Variants in GARIN1B observed in about 807,000 individuals in gnomAD.
GARIN1B encodes the protein Golgi-associated RAB2 interactor protein 1B.
At chr7:128,729,898 C>T in the GARIN1B span, 1 of 1,612,154 alleles carries the variant, frequency 6.2e-7, no homozygotes, top group Admixed American at 1.7e-5. Flanking sequence ...TTTACTTGAT[C>T]TAGGGAAAGA....
chr7:128,727,035 C>G, the GARIN1B span, among the ~76,000 whole-genome samples: 6 of 152,336 alleles, frequency 3.9e-5, no homozygotes, highest in Non-Finnish European at 5.9e-5. Context: ...CCACCACAAT[C>G]AAGTTGGCAC....
the GARIN1B span, among the ~76,000 whole-genome samples, chr7:128,728,480 G>A: frequency 6.6e-4 from 100 of 152,172 alleles, no homozygotes; most frequent in African/African-American, 2.3e-3. Context: ...TGACATGGAT[G>A]TAAGAAAAGG....
the GARIN1B span, chr7:128,723,395 C>T: frequency 6.5e-7 from 1 of 1,549,562 alleles, no homozygotes; most frequent in Admixed American, 1.8e-5. Flanking sequence ...GATCCAGAAA[C>T]CAAATAGCTT....
At chr7:128,726,936 C>A in the GARIN1B span, 1 of 1,408,358 alleles carries the variant, frequency 7.1e-7, no homozygotes, top group Non-Finnish European at 1.0e-6. Context: ...GAATAAGATC[C>A]CCTCCAGCCC....
At chr7:128,718,690 T>C in the GARIN1B span, 2 of 999,124 alleles carry the variant, frequency 2.0e-6, no homozygotes, top group East Asian at 2.4e-5. Flanking sequence ...TCCCCAACAA[T>C]TGAGCAGCAC....
At chr7:128,728,933 T>A in the GARIN1B span, among the ~76,000 whole-genome samples, 1 of 152,186 alleles carries the variant, frequency 6.6e-6, no homozygotes, top group Admixed American at 6.5e-5. Flanking sequence ...TAAACATACA[T>A]TCAAACACAC....
At chr7:128,715,623 G>A in the GARIN1B span, 668 of 1,614,110 alleles carry the variant, frequency 4.1e-4, no homozygotes, top group Non-Finnish European at 5.3e-4. Context: ...CTGCTCTGCC[G>A]GGTGGTTCAT....
chr7:128,713,983 T>C, the GARIN1B span: 1 of 1,527,434 alleles, frequency 6.5e-7, no homozygotes, highest in Non-Finnish European at 8.8e-7. Flanking sequence ...TTAGAGAATG[T>C]GACCATGAAG....
chr7:128,713,219 ATTG>A, the GARIN1B span, among the ~76,000 whole-genome samples: 2,929 of 152,252 alleles, frequency 0.019, 46 homozygotes, highest in South Asian at 0.053. Context: ...AGGCAGGAGA[ATTG>A]CTTGAACTCG....
the GARIN1B span, among the ~76,000 whole-genome samples, chr7:128,712,328 A>G: frequency 3.3e-5 from 5 of 152,178 alleles, no homozygotes; most frequent in African/African-American, 1.2e-4. Flanking sequence ...CACACAACAT[A>G]AAATGTACCA....
At chr7:128,719,638 A>G in the GARIN1B span, among the ~76,000 whole-genome samples, 1 of 149,282 alleles carries the variant, frequency 6.7e-6, no homozygotes, top group South Asian at 2.1e-4. Context: ...ATATTGTAGC[A>G]TGGGGCCAAC....
chr7:128,726,787 TACTTTCA>T, the GARIN1B span: 72 of 1,610,102 alleles, frequency 4.5e-5, no homozygotes, highest in African/African-American at 9.3e-4. Flanking sequence ...TCTTTTCCTT[TACTTTCA>T]ACTTTCATTT....
the GARIN1B span, among the ~76,000 whole-genome samples, chr7:128,728,943 C>T: frequency 6.6e-6 from 1 of 152,192 alleles, no homozygotes; most frequent in Non-Finnish European, 1.5e-5. Context: ...TTCAAACACA[C>T]ATATGTATAA....
chr7:128,723,356 T>C, the GARIN1B span: 1 of 1,598,280 alleles, frequency 6.3e-7, no homozygotes, highest in Non-Finnish European at 8.5e-7. Flanking sequence ...TGACATTCCC[T>C]CCTGCAACCC....
At chr7:128,728,479 T>G in the GARIN1B span, among the ~76,000 whole-genome samples, 4 of 151,470 alleles carry the variant, frequency 2.6e-5, no homozygotes, top group Non-Finnish European at 5.9e-5. Context: ...GTGACATGGA[T>G]GTAAGAAAAG....
the GARIN1B span, among the ~76,000 whole-genome samples, chr7:128,724,148 T>A: frequency 6.6e-6 from 1 of 151,774 alleles, no homozygotes; most frequent in Non-Finnish European, 1.5e-5. Context: ...GTAGCTGGGA[T>A]TACAGACACA....
At chr7:128,723,325 G>A in the GARIN1B span, 1 of 1,610,254 alleles carries the variant, frequency 6.2e-7, no homozygotes, top group Non-Finnish European at 8.5e-7. Flanking sequence ...TGAGGTACAT[G>A]ACTTAAATCA....
At chr7:128,726,802 T>C in the GARIN1B span, 66 of 1,613,230 alleles carry the variant, frequency 4.1e-5, no homozygotes, top group Non-Finnish European at 5.3e-5. Context: ...TCAACTTTCA[T>C]TTCCTTGATC....
chr7:128,711,776 C>T, the GARIN1B span, among the ~76,000 whole-genome samples: 1 of 152,092 alleles, frequency 6.6e-6, no homozygotes, highest in Admixed American at 6.5e-5. Context: ...CGTGGTGGCT[C>T]ATGCCTGTAA....
Sources: allele counts gnomAD v4.1 joint callset (sites outside exome capture counted in the v4.1 genomes callset), GRCh38; gene constraint gnomAD v4.1.1; transcripts MANE v1.5; gene names NCBI Gene and HGNC (gene_info 2026-07-23, HGNC 2026-07-21).